KANK1: variants seen among roughly 807,000 people sequenced by gnomAD.
KANK1 encodes KN motif and ankyrin repeat domains 1, also known as KN motif and ankyrin repeat domain-containing protein 1.
A neutral mutation model predicts 106.2 loss-of-function variants in KANK1; 109 were observed. The observed-to-expected ratio is 1.03, with a 90% CI of 0.88 to 1.20. The LOEUF is 1.20. KANK1 is among the 50% of genes most tolerant of loss of function. The probability of loss-of-function intolerance (pLI) is 0.00; values close to 1 mark genes in which losing one functional copy is unlikely to be tolerated. For synonymous variants in KANK1, 873 were observed against 652.2 expected (o/e 1.34, Z -5.16); for missense variants, 2,399 against 1,710.7 (o/e 1.40, Z -7.10).
intron 2 of KANK1, chr9:707,205 C>CG: frequency 4.1e-6 from 4 of 986,144 alleles, no homozygotes; most frequent in Non-Finnish European, 4.8e-6. Flanking sequence ...GCGAGCTGTG[C>CG]GGGGCAGCGC....
intron 1 of KANK1, among the ~76,000 whole-genome samples, chr9:593,986 G>A (rs1825620685): frequency 6.6e-6 from 1 of 151,798 alleles, no homozygotes; most frequent in South Asian, 2.1e-4. Context: ...TGACTCCCTG[G>A]GCTGTGCCCT....
chr9:679,129 A>T (rs569214346), intron 2 of KANK1, among the ~76,000 whole-genome samples: 21 of 152,242 alleles, frequency 1.4e-4, no homozygotes, highest in Admixed American at 5.9e-4. Context: ...GGCAAAAGAA[A>T]GCTCTCCGAT....
intron 1 of KANK1, among the ~76,000 whole-genome samples, chr9:570,348 T>C (rs1211541285): frequency 6.6e-6 from 1 of 152,124 alleles, no homozygotes; most frequent in Non-Finnish European, 1.5e-5. Flanking sequence ...TAGTTAACAG[T>C]GTTGAGATAA....
intron 1 of KANK1, among the ~76,000 whole-genome samples, chr9:620,015 T>C (rs1832760049): frequency 6.6e-6 from 1 of 151,990 alleles, no homozygotes; most frequent in South Asian, 2.1e-4. Context: ...TGTGCGCCTG[T>C]AATCCCAGCT....
intron 1 of KANK1, among the ~76,000 whole-genome samples, chr9:536,832 G>T (rs1005928088): frequency 1.3e-5 from 2 of 152,156 alleles, no homozygotes; most frequent in Admixed American, 1.3e-4. Context: ...CACATGATAA[G>T]GTGTAGACAC....
intron 1 of KANK1, among the ~76,000 whole-genome samples, chr9:556,016 T>C (rs2061563733): frequency 6.6e-6 from 1 of 152,208 alleles, no homozygotes; most frequent in South Asian, 2.1e-4. Flanking sequence ...TTAATCATAC[T>C]ATAAAATACT....
intron 2 of KANK1, among the ~76,000 whole-genome samples, chr9:679,992 C>A (rs1046696606): frequency 2.6e-5 from 4 of 151,996 alleles, no homozygotes; most frequent in African/African-American, 9.7e-5. Context: ...ATTTAGAGAA[C>A]CTAGATGAAG....
At chr9:687,788 T>A (rs1489935757) in intron 2 of KANK1, among the ~76,000 whole-genome samples, 2 of 152,238 alleles carry the variant, frequency 1.3e-5, no homozygotes, top group Non-Finnish European at 2.9e-5. Flanking sequence ...ATTCTGTTAT[T>A]ATTCTATTAT....
At chr9:729,755 G>GAAGT (rs1452067814) in intron 3 of KANK1, among the ~76,000 whole-genome samples, 1 of 151,614 alleles carries the variant, frequency 6.6e-6, no homozygotes, top group Non-Finnish European at 1.5e-5. Flanking sequence ...TGCCAGAGTG[G>GAAGT]AAGTAGTAAT....
chr9:599,691 T>G (rs1291205666), intron 1 of KANK1, among the ~76,000 whole-genome samples: 1 of 151,874 alleles, frequency 6.6e-6, no homozygotes, highest in Non-Finnish European at 1.5e-5. Context: ...GCAGATATTT[T>G]CAACCCAACA....
intron 1 of KANK1, among the ~76,000 whole-genome samples, chr9:616,847 C>G (rs1404300704): frequency 6.6e-6 from 1 of 152,158 alleles, no homozygotes; most frequent in African/African-American, 2.4e-5. Context: ...TCCACACTAG[C>G]CCTTAAAACT....
intron 1 of KANK1, among the ~76,000 whole-genome samples, chr9:585,054 G>A (rs1430392103): frequency 6.6e-6 from 1 of 152,152 alleles, no homozygotes; most frequent in East Asian, 1.9e-4. Flanking sequence ...TGCAGCATTT[G>A]ATGTGTTACT....
chr9:662,469 CA>C (rs757067478), intron 1 of KANK1, among the ~76,000 whole-genome samples: 2 of 152,032 alleles, frequency 1.3e-5, no homozygotes, highest in Non-Finnish European at 2.9e-5. Context: ...GTACTGGTAC[CA>C]AAACAGAGAT....
chr9:535,452 G>A (rs571641360), intron 1 of KANK1, among the ~76,000 whole-genome samples: 3 of 152,174 alleles, frequency 2.0e-5, no homozygotes, highest in Non-Finnish European at 2.9e-5. Flanking sequence ...TGCCTACTCT[G>A]TACTGGGCAC....
At position 711,411 on chromosome 9, in the gene KANK1, A is replaced by T. The variant is rs1826038809; in HGVS notation, c.645A>T (p.Gly215=). The T allele has an allele frequency of 1.9e-6, 3 of 1,614,144 alleles. No individual in the cohort carries two copies. The highest frequency in any genetic ancestry group is 2.5e-6 in the Non-Finnish European group (3 of 1,180,034). The change falls in exon 3 of 12, where the codon GGA becomes GGT. Residue 215 remains glycine, a synonymous_variant. Coordinates refer to ENST00000382297, the MANE Select transcript of KANK1 (RefSeq NM_015158.5). ...CTGCCAAGCACCAGCTTCAGAATGG[A>T]TACCAAGGTAATGGGGATTATGGTA... The part of the protein sequence containing the change: ...HNPAKHQLQN[G]YQGNGDYGSY...
chr9:644,592 C>G (rs982992639), intron 1 of KANK1, among the ~76,000 whole-genome samples: 8 of 150,470 alleles, frequency 5.3e-5, no homozygotes, highest in African/African-American at 2.0e-4. Flanking sequence ...CCAGATCTCA[C>G]AGTAATTCAC....
At position 561,635 on chromosome 9, in the gene KANK1, G is replaced by C. The variant is rs890674827; in HGVS notation, c.-84+56881G>C. On this transcript the variant is annotated intron_variant, in intron 1 of 11. Coordinates refer to ENST00000382297, the MANE Select transcript of KANK1 (RefSeq NM_015158.5). ...CTGCTTCTTACCAGTAATAGGAACCGCATGTGTTAAAGAAGTCAGATTACC... is the reference window on the plus strand; with the variant it reads ...CTGCTTCTTACCAGTAATAGGAACCCCATGTGTTAAAGAAGTCAGATTACC... 2.0e-5 allele frequency among the ~76,000 whole-genome samples: 3 copies of C among 152,190 alleles called. No homozygotes were observed. In the South Asian group the frequency reaches 6.2e-4, roughly 32 times the overall value.
chr9:516,441 A>G (rs993687603), intron 1 of KANK1, among the ~76,000 whole-genome samples: 1 of 151,650 alleles, frequency 6.6e-6, no homozygotes, highest in Non-Finnish European at 1.5e-5. Flanking sequence ...TGAAAGTTGT[A>G]TATTATTTTT....
chr9:691,081 A>C (rs1038059115), intron 2 of KANK1, among the ~76,000 whole-genome samples: 1 of 152,192 alleles, frequency 6.6e-6, no homozygotes, highest in Non-Finnish European at 1.5e-5. Flanking sequence ...AAGAGGTTCA[A>C]ATTTTTAATT....
Sources: allele counts gnomAD v4.1 joint callset (sites outside exome capture counted in the v4.1 genomes callset), GRCh38; gene constraint gnomAD v4.1.1; transcripts MANE v1.5; gene names NCBI Gene and HGNC (gene_info 2026-07-23, HGNC 2026-07-21).